Variants in ARMC2 observed in about 807,000 individuals in gnomAD.
The protein encoded by ARMC2 is armadillo repeat containing 2, also known as armadillo repeat-containing protein 2.
ARMC2 carries 67 observed loss-of-function variants against 90.3 expected under a neutral mutation model. The ratio of observed to expected loss-of-function variants is 0.74; its 90% confidence interval spans 0.61 to 0.91. The LOEUF (loss-of-function observed/expected upper bound fraction) is 0.91. ARMC2 is among the 40% of genes least tolerant of loss of function. ARMC2 has a pLI of 0.00. For missense variants in ARMC2, 920 were observed against 1,030.9 expected (o/e 0.89, Z 1.47); for synonymous variants, 393 against 393.0 (o/e 1.00, Z 0.00).
chr6:108,976,218 C>A (rs1047403076), downstream of ARMC2, among the ~76,000 whole-genome samples: 1 of 152,202 alleles, frequency 6.6e-6, no homozygotes, highest in African/African-American at 2.4e-5. Context: ...CAGCTTTCTG[C>A]ATATGGCTAG....
At chr6:108,924,387 G>T (rs912038973) in intron 10 of ARMC2, among the ~76,000 whole-genome samples, 5 of 152,128 alleles carry the variant, frequency 3.3e-5, no homozygotes, top group Non-Finnish European at 4.4e-5. Context: ...GTGTGGTGGT[G>T]CTTGCCTGTA....
In ARMC2 at chr6:108,902,848, AT is replaced by A. The variant is rs567436085; in HGVS notation, c.848-1375del. ...ATTATTTTATTTCCCCTCATGTTCC[AT>A]TTTTTTGTGCTATTTTTCTTCTTTG... On this transcript the variant is annotated intron_variant, in intron 7 of 17. Coordinates refer to ENST00000392644, the MANE Select transcript of ARMC2 (RefSeq NM_032131.6). 4.2e-3 allele frequency among the ~76,000 whole-genome samples: 642 copies of A among 152,062 alleles called. 3 individuals are homozygous for A. Among genetic ancestry groups the A allele is most frequent in the African/African-American group, 0.014 (599 of 41,490 alleles).
chr6:108,984,796 C>G, the ARMC2 span, among the ~76,000 whole-genome samples: 3 of 152,304 alleles, frequency 2.0e-5, no homozygotes, highest in South Asian at 4.1e-4. Context: ...CTCTTGATCA[C>G]ACCATCCTCT....
the ARMC2 span, among the ~76,000 whole-genome samples, chr6:109,018,740 C>A: frequency 1.6e-4 from 25 of 152,140 alleles, no homozygotes; most frequent in African/African-American, 1.7e-4. Context: ...TGCAGCGTAT[C>A]TTGAGAATGC....
chr6:109,010,404 T>A, the ARMC2 span, among the ~76,000 whole-genome samples: 1 of 152,230 alleles, frequency 6.6e-6, no homozygotes, highest in African/African-American at 2.4e-5. Flanking sequence ...TCTTTTTGCA[T>A]GTTTATGCTG....
At chr6:108,969,725 T>TA (rs1398312370) in intron 17 of ARMC2, among the ~76,000 whole-genome samples, 1 of 152,218 alleles carries the variant, frequency 6.6e-6, no homozygotes, top group African/African-American at 2.4e-5. Flanking sequence ...GTTTCTAACT[T>TA]ATGATGATTC....
chr6:108,988,496 G>C, the ARMC2 span: 2 of 1,530,398 alleles, frequency 1.3e-6, no homozygotes, highest in Non-Finnish European at 1.8e-6. Context: ...AGGAGACTAC[G>C]AATCATTGCT....
chr6:108,876,144 A>C lies in ARMC2; in HGVS notation c.465A>C (p.Ser155=). The change falls in exon 5 of 18, where the codon TCA becomes TCC. Residue 155 remains serine (S), a splice_region_variant and synonymous_variant. Transcript: ENST00000392644. ...LPDRSLPPSD[S]KKTVESKETV... The stretch of plus-strand genomic sequence containing the variant: ...AATATTTTCTTGGTTATATTGCAGC[A>C]AAGAAGACAGTGGAATCCAAAGAAA... 1 of 1,605,264 alleles carries C rather than the reference A, an allele frequency of 6.2e-7. No individual in the cohort carries two copies. The highest frequency in any genetic ancestry group is 8.5e-7 in the Non-Finnish European group (1 of 1,176,736).
chr6:108,963,312 C>T (rs1054026700), intron 15 of ARMC2, among the ~76,000 whole-genome samples: 17 of 152,112 alleles, frequency 1.1e-4, no homozygotes, highest in African/African-American at 3.9e-4. Context: ...TCTCCATGTT[C>T]GTAATGGAAA....
At chr6:108,953,754 C>T (rs1190189587) in intron 13 of ARMC2, among the ~76,000 whole-genome samples, 1 of 152,176 alleles carries the variant, frequency 6.6e-6, no homozygotes, top group Non-Finnish European at 1.5e-5. Context: ...GGGCAATCCA[C>T]ATGATTAAAA....
Position 108,964,271 on chromosome 6 carries a change from A to C in ARMC2, c.2244A>C (p.Lys748Asn). Residue 748 changes from lysine to asparagine, a missense_variant, in exon 16 of 18, where the codon AAA becomes AAC. By Grantham distance (94) the Lys-to-Asn change is moderately conservative (BLOSUM62 0). Transcript: ENST00000392644. ...TTCTCCTCAATCTCACTGTGGATAAAGACAAGCGTGTCATCTTGAAAGAAG... is the reference window on the plus strand; with the variant it reads ...TTCTCCTCAATCTCACTGTGGATAACGACAAGCGTGTCATCTTGAAAGAAG... ...CGVLLNLTVDKDKRVILKEGG... is the reference protein window; with the variant it reads ...CGVLLNLTVDNDKRVILKEGG... The C allele has an allele frequency of 6.2e-7, 1 of 1,614,016 alleles. No individual in the cohort carries two copies. The highest frequency in any genetic ancestry group is 1.1e-5 in the South Asian group (1 of 91,072).
intron 8 of ARMC2, among the ~76,000 whole-genome samples, chr6:108,908,198 G>A (rs1430494085): frequency 1.3e-5 from 2 of 152,146 alleles, no homozygotes; most frequent in African/African-American, 2.4e-5. Flanking sequence ...AGATGGTTCT[G>A]TGACCTATCT....
At chr6:109,023,130 T>C in the ARMC2 span, among the ~76,000 whole-genome samples, 1 of 152,326 alleles carries the variant, frequency 6.6e-6, no homozygotes, top group East Asian at 1.9e-4. Flanking sequence ...ATAAAAATGT[T>C]CTATAACATC....
At chr6:108,871,542 G>T (rs1776417664) in intron 4 of ARMC2, among the ~76,000 whole-genome samples, 1 of 152,110 alleles carries the variant, frequency 6.6e-6, no homozygotes, top group Admixed American at 6.5e-5. Context: ...CTCATACCTT[G>T]TTTTTTATTC....
chr6:108,954,538 G>A (rs1004928469), intron 13 of ARMC2, among the ~76,000 whole-genome samples: 1 of 152,146 alleles, frequency 6.6e-6, no homozygotes, highest in Non-Finnish European at 1.5e-5. Flanking sequence ...CAGGAGAATC[G>A]CTTGAACTCA....
intron 10 of ARMC2, among the ~76,000 whole-genome samples, chr6:108,925,964 T>G (rs1440739813): frequency 1.3e-5 from 2 of 152,184 alleles, no homozygotes; most frequent in African/African-American, 2.4e-5. Flanking sequence ...AGAAGAAACT[T>G]GAGCTGTCTA....
At chr6:108,925,314 G>T (rs2128484228) in intron 10 of ARMC2, among the ~76,000 whole-genome samples, 1 of 152,240 alleles carries the variant, frequency 6.6e-6, no homozygotes, top group South Asian at 2.1e-4. Flanking sequence ...TGATATCCCA[G>T]TCTTTCCTTT....
At chr6:109,048,185 C>T in the ARMC2 span, among the ~76,000 whole-genome samples, 1 of 152,092 alleles carries the variant, frequency 6.6e-6, no homozygotes, top group Admixed American at 6.6e-5. Context: ...TTCACAAATG[C>T]CCTCCCTTAA....
chr6:109,004,421 C>A, the ARMC2 span, among the ~76,000 whole-genome samples: 14,945 of 150,946 alleles, frequency 0.099, 902 homozygotes, highest in Middle Eastern at 0.2. Flanking sequence ...TAAATCAATA[C>A]GAAAATCCCC....
Sources: allele counts gnomAD v4.1 joint callset (sites outside exome capture counted in the v4.1 genomes callset), GRCh38; gene constraint gnomAD v4.1.1; transcripts MANE v1.5; gene names NCBI Gene and HGNC (gene_info 2026-07-23, HGNC 2026-07-21).